Variants in COL19A1 observed in about 807,000 individuals in gnomAD.
COL19A1 encodes collagen alpha-1(XIX) chain.
Under a neutral mutation model 190.2 loss-of-function variants are expected in COL19A1, and 159 were observed. The ratio of observed to expected loss-of-function variants is 0.84; its 90% CI spans 0.73 to 0.95. The LOEUF (loss-of-function observed/expected upper bound fraction) is 0.95, where lower values mean the gene tolerates loss of function less well. Among genes scored for constraint, COL19A1 ranks in the 40% least tolerant of loss-of-function variants. The probability of loss-of-function intolerance (pLI) is 0.00; values close to 1 mark genes in which losing one functional copy is unlikely to be tolerated. For synonymous variants in COL19A1, 509 were observed against 458.9 expected (o/e 1.11, Z -1.39); for missense variants, 1,418 against 1,431.9 (o/e 0.99, Z 0.16).
rs371177207 is a variant in COL19A1, at chr6:70,188,269, G to A, written c.3027+24G>A. The A allele has an allele frequency of 1.3e-5, 20 of 1,583,078 alleles. 1 individual carries two copies. In the South Asian group the frequency reaches 2.4e-4, roughly 19 times the overall value. Reference sequence around the variant, plus strand: ...CGGTAAGTAGTGCTAAGACGCTTTAGGGCTCCTGGCTTGTACCGACCATGT... The same window carrying A: ...CGGTAAGTAGTGCTAAGACGCTTTAAGGCTCCTGGCTTGTACCGACCATGT... On this transcript the variant is annotated intron_variant, in intron 47 of 50. Transcript: ENST00000620364.
In COL19A1 at chr6:70,144,692, T is replaced by C. The variant is rs148177207; in HGVS notation, c.1681-226T>C. On this transcript the variant is annotated intron_variant, in intron 24 of 50. Coordinates refer to ENST00000620364, the MANE Select transcript of COL19A1 (RefSeq NM_001858.6). Reference sequence around the variant, plus strand: ...TGTGCATACACATGCATATGTTTCATGATACTGCTAACATAACTAACTGCA... The same window carrying C: ...TGTGCATACACATGCATATGTTTCACGATACTGCTAACATAACTAACTGCA... 2.8e-3 allele frequency among the ~76,000 whole-genome samples: 419 copies of C among 152,324 alleles called. 2 individuals are homozygous for C. The highest frequency in any genetic ancestry group is 4.1e-3 in the Non-Finnish European group (279 of 68,020).
At chr6:69,939,472 C>A (rs1773313928) in intron 9 of COL19A1, among the ~76,000 whole-genome samples, 1 of 152,060 alleles carries the variant, frequency 6.6e-6, no homozygotes, top group South Asian at 2.1e-4. Context: ...TTGCCCAGTG[C>A]CACATAGCTT....
intron 11 of COL19A1, among the ~76,000 whole-genome samples, chr6:69,963,886 A>G (rs1288487343): frequency 1.3e-5 from 2 of 152,264 alleles, no homozygotes; most frequent in African/African-American, 4.8e-5. Flanking sequence ...ACAACTTTCT[A>G]TTGAAAGTAC....
At chr6:70,179,130 G>A (rs923100958) in intron 42 of COL19A1, among the ~76,000 whole-genome samples, 2 of 152,174 alleles carry the variant, frequency 1.3e-5, no homozygotes, top group African/African-American at 4.8e-5. Context: ...CAGGCAAGCT[G>A]TGGGGACCCA....
intron 9 of COL19A1, among the ~76,000 whole-genome samples, chr6:69,955,635 A>G (rs1401813426): frequency 6.6e-6 from 1 of 150,856 alleles, no homozygotes; most frequent in Non-Finnish European, 1.5e-5. Flanking sequence ...CATTTCTGGA[A>G]TGATGTGCTG....
intron 16 of COL19A1, among the ~76,000 whole-genome samples, chr6:70,117,940 T>C (rs976065056): frequency 3.9e-5 from 6 of 152,240 alleles, no homozygotes; most frequent in Admixed American, 3.9e-4. Context: ...AAGGCTGACA[T>C]GCCCTCTGCA....
rs1334861293 is a variant in COL19A1, at chr6:70,162,371, A to G, written c.2346+418A>G. Among the ~76,000 whole-genome samples, 5 of 152,220 alleles carry G rather than the reference A, an allele frequency of 3.3e-5. No individual in the cohort carries two copies. In the East Asian group the frequency reaches 5.8e-4, roughly 18 times the overall value. Reference sequence around the variant, plus strand: ...ATTTCATTTATTTTTGTTCCTATGTATAAAATAAAATACCTCTATTTTAGT... The same window carrying G: ...ATTTCATTTATTTTTGTTCCTATGTGTAAAATAAAATACCTCTATTTTAGT... On this transcript the variant is annotated intron_variant, in intron 35 of 50. Transcript: ENST00000620364.
Position 70,098,927 on chromosome 6 carries a change from G to A in COL19A1, c.1225-3242G>A, listed in dbSNP as rs539785098. On this transcript the variant is annotated intron_variant, in intron 15 of 50. Coordinates refer to ENST00000620364, the MANE Select transcript of COL19A1 (RefSeq NM_001858.6). ...ATGGACTATTGTGTTGATAGAAATT[G>A]CAGCCCCTAAGAAAGGTGCCATGGC... 4.3e-4 allele frequency among the ~76,000 whole-genome samples: 65 copies of A among 151,626 alleles called. 1 individual carries two copies. The highest frequency in any genetic ancestry group is 1.5e-5 in the Non-Finnish European group (1 of 67,842).
At chr6:70,155,177 T>C (rs1787359890) in intron 31 of COL19A1, among the ~76,000 whole-genome samples, 1 of 152,146 alleles carries the variant, frequency 6.6e-6, no homozygotes, top group Non-Finnish European at 1.5e-5. Flanking sequence ...AATATTGAAT[T>C]TGAATAGCCA....
At chr6:70,206,457 T>C (rs943918043) in intron 49 of COL19A1, among the ~76,000 whole-genome samples, 1 of 152,062 alleles carries the variant, frequency 6.6e-6, no homozygotes, top group African/African-American at 2.4e-5. Context: ...GGCAAAACCC[T>C]GCCTCCACTA....
rs749253416 is a variant in COL19A1 at position 69,962,874 on chromosome 6, A to C, written c.1026+4A>C. On this transcript the variant is annotated splice_donor_region_variant and intron_variant, in intron 11 of 50. Coordinates refer to ENST00000620364, the MANE Select transcript of COL19A1 (RefSeq NM_001858.6). ...CAAAGGAGAAACTGGTGAAAAGGTA[A>C]ATATCTCTTTTTACATTCACATCTG... 7 of 1,603,232 alleles carry C rather than the reference A, an allele frequency of 4.4e-6. No homozygotes were observed. In the South Asian group the frequency reaches 4.5e-5, roughly 10 times the overall value.
At chr6:70,040,450 C>T (rs1266483402) in intron 14 of COL19A1, among the ~76,000 whole-genome samples, 1 of 152,194 alleles carries the variant, frequency 6.6e-6, no homozygotes, top group African/African-American at 2.4e-5. Context: ...AGTATTCTTA[C>T]TGCCAGTGAC....
intron 16 of COL19A1, among the ~76,000 whole-genome samples, chr6:70,105,623 C>T (rs1252177240): frequency 2.0e-5 from 3 of 152,068 alleles, no homozygotes; most frequent in Non-Finnish European, 4.4e-5. Context: ...TATTTCTTTT[C>T]CAACATTGAA....
intron 15 of COL19A1, among the ~76,000 whole-genome samples, chr6:70,099,763 GC>G (rs1441442300): frequency 2.0e-5 from 3 of 152,166 alleles, no homozygotes; most frequent in Non-Finnish European, 4.4e-5. Context: ...AAAGTTGTGT[GC>G]ACACAATATG....
rs1172824749 is a variant in COL19A1 at position 70,168,162 on chromosome 6, C to T, written c.2497-9C>T. 1.2e-6 allele frequency: 2 copies of T among 1,611,952 alleles called. No individual in the cohort carries two copies. Among genetic ancestry groups the T allele is most frequent in the African/African-American group, 2.7e-5 (2 of 74,894 alleles). The stretch of plus-strand genomic sequence containing the variant: ...TCTCTTTTTCTTTTCTTTTCATTTT[C>T]TTTTGAAGGGAGGTGTGAATGTTCC... On this transcript the variant is annotated splice_polypyrimidine_tract_variant and intron_variant, in intron 38 of 50. Coordinates refer to ENST00000620364, the MANE Select transcript of COL19A1 (RefSeq NM_001858.6).
Position 70,074,314 on chromosome 6 carries a change from C to G in COL19A1, c.1224+5838C>G, listed in dbSNP as rs569224365. ...AGAAGTTCAAGACCAGCCTGGCCAACATGGTGAAACCCTGTCTCTACTAAA... is the reference window on the plus strand; with the variant it reads ...AGAAGTTCAAGACCAGCCTGGCCAAGATGGTGAAACCCTGTCTCTACTAAA... On this transcript the variant is annotated intron_variant, in intron 15 of 50. Transcript: ENST00000620364. Among the ~76,000 whole-genome samples the G allele has an allele frequency of 6.6e-5, 10 of 152,134 alleles. No individual in the cohort carries two copies. In the South Asian group the frequency reaches 1.2e-3, roughly 19 times the overall value.
At chr6:70,191,113 A>G in intron 48 of COL19A1, among the ~76,000 whole-genome samples, 1 of 152,184 alleles carries the variant, frequency 6.6e-6, no homozygotes, top group South Asian at 2.1e-4. Flanking sequence ...AATATTTTCT[A>G]TCTGGCCCTT....
At chr6:70,074,124 A>G (rs1781718974) in intron 15 of COL19A1, among the ~76,000 whole-genome samples, 1 of 152,178 alleles carries the variant, frequency 6.6e-6, no homozygotes, top group Non-Finnish European at 1.5e-5. Flanking sequence ...TAGTCTAGCC[A>G]TGCTCTATGA....
At chr6:70,088,392 C>A (rs1292449905) in intron 15 of COL19A1, among the ~76,000 whole-genome samples, 1 of 152,036 alleles carries the variant, frequency 6.6e-6, no homozygotes, top group Non-Finnish European at 1.5e-5. Context: ...GCTTCTCATA[C>A]AATGCACATT....
Sources: allele counts gnomAD v4.1 joint callset (sites outside exome capture counted in the v4.1 genomes callset), GRCh38; gene constraint gnomAD v4.1.1; transcripts MANE v1.5; gene names NCBI Gene and HGNC (gene_info 2026-07-23, HGNC 2026-07-21).